Variants in NAAA observed in about 807,000 individuals in gnomAD.
The protein encoded by NAAA is N-acylethanolamine-hydrolyzing acid amidase.
A neutral mutation model predicts 44.8 loss-of-function variants in NAAA; 39 were observed. That is an observed-to-expected ratio of 0.87 (90% confidence interval 0.67 to 1.14). NAAA has a LOEUF of 1.14. NAAA is among the 50% of genes most tolerant of loss of function. NAAA has a pLI of 0.00. For synonymous variants in NAAA, 178 were observed against 191.3 expected (o/e 0.93, Z 0.58); for missense variants, 460 against 467.8 (o/e 0.98, Z 0.15).
intron 5 of NAAA, among the ~76,000 whole-genome samples, chr4:75,922,459 C>T (rs1344040492): frequency 1.3e-5 from 2 of 152,002 alleles, no homozygotes; most frequent in Admixed American, 1.3e-4. Flanking sequence ...GAGGATCCTG[C>T]CCTGTACCTG....
At chr4:75,928,966 T>G (rs1157876311) in intron 4 of NAAA, among the ~76,000 whole-genome samples, 1 of 150,758 alleles carries the variant, frequency 6.6e-6, no homozygotes, top group Admixed American at 6.6e-5. Flanking sequence ...TTTGTGTTTT[T>G]TTTTTTTAGT....
At chr4:75,927,955 CAT>C (rs996776596) in intron 4 of NAAA, among the ~76,000 whole-genome samples, 2 of 152,216 alleles carry the variant, frequency 1.3e-5, no homozygotes, top group African/African-American at 4.8e-5. Context: ...TAACACATCA[CAT>C]GTGCTCCCAA....
intron 9 of NAAA, among the ~76,000 whole-genome samples, chr4:75,916,146 T>A (rs1324055197): frequency 1.3e-5 from 2 of 152,248 alleles, no homozygotes; most frequent in Non-Finnish European, 2.9e-5. Context: ...GATGGAGATG[T>A]ATTGCAGGTG....
intron 5 of NAAA, among the ~76,000 whole-genome samples, chr4:75,924,357 G>A (rs1388728143): frequency 2.6e-5 from 4 of 152,234 alleles, no homozygotes; most frequent in Non-Finnish European, 5.9e-5. Flanking sequence ...ATGCGTAACA[G>A]TCTGATAATT....
At chr4:75,921,408 G>A (rs547137150) in intron 5 of NAAA, among the ~76,000 whole-genome samples, 16 of 152,258 alleles carry the variant, frequency 1.1e-4, no homozygotes, top group Admixed American at 4.6e-4. Context: ...CAGGCAGATC[G>A]CCCTCACAAA....
rs559518994 is a variant in NAAA at position 75,930,166 on chromosome 4, C to T, written c.589+1048G>A. Among the ~76,000 whole-genome samples the T allele has an allele frequency of 9.2e-5, 14 of 152,264 alleles. 1 individual carries two copies. The South Asian group carries it at 1.2e-3, about 14-fold the overall frequency. On this transcript the variant is annotated intron_variant, in intron 4 of 10. Coordinates refer to ENST00000286733, the MANE Select transcript of NAAA (RefSeq NM_014435.4). ...ATGAAGTCAATCAGGGTTCATCAGA[C>T]GAGCAACACTAAACTTCAAGATACT...
rs1725510258 is a variant in NAAA, at chr4:75,914,944, T to C, written c.1040A>G (p.Asp347Gly). ...GTTTCTGATCCTAGTCATGTACTTGTCTGGGCTACCGGCGCTCATTACCGT... is the reference window on the plus strand; with the variant it reads ...GTTTCTGATCCTAGTCATGTACTTGCCTGGGCTACCGGCGCTCATTACCGT... ...YTTVMSAGSPDKYMTRIRNPS... is the reference protein window; with the variant it reads ...YTTVMSAGSPGKYMTRIRNPS... The change falls in exon 10 of 11, where the codon GAC becomes GGC. Residue 347 changes from aspartate to glycine, a missense_variant. Coordinates refer to ENST00000286733, the MANE Select transcript of NAAA (RefSeq NM_014435.4). 6.2e-7 allele frequency: 1 copy of C among 1,614,122 alleles called. No individual in the cohort carries two copies. Among genetic ancestry groups the C allele is most frequent in the Non-Finnish European group, 8.5e-7 (1 of 1,179,972 alleles).
At chr4:75,920,828 AT>A in intron 6 of NAAA, 28 bp from the exon 7 acceptor site, 4 of 1,614,170 alleles carry the variant, frequency 2.5e-6, no homozygotes, top group Non-Finnish European at 3.4e-6. Context: ...ATCTTGTCTT[AT>A]CCAAGGCAAT....
chr4:75,919,155 C>T (rs2149248093), intron 8 of NAAA, among the ~76,000 whole-genome samples: 1 of 152,208 alleles, frequency 6.6e-6, no homozygotes, highest in South Asian at 2.1e-4. Context: ...GATTCTCCTG[C>T]CTCGGCATCC....
intron 2 of NAAA, 68 bp from the exon 3 acceptor site, chr4:75,936,303 T>C (rs1192204406): frequency 1.3e-6 from 2 of 1,546,068 alleles, no homozygotes; most frequent in Admixed American, 2.1e-5. Context: ...AAGGAGTTTT[T>C]CATTTGTAAA....
intron 9 of NAAA, among the ~76,000 whole-genome samples, chr4:75,918,545 T>C (rs1485742931): frequency 3.3e-5 from 5 of 152,094 alleles, no homozygotes. Flanking sequence ...CTGATTTATA[T>C]TTGTTTATCA....
chr4:75,938,667 A>G (rs1326268376), intron 2 of NAAA, among the ~76,000 whole-genome samples: 1 of 152,188 alleles, frequency 6.6e-6, no homozygotes. Flanking sequence ...AAGAAGCTCT[A>G]AGTATGTACA....
At chr4:75,916,182 A>G (rs77010919) in intron 9 of NAAA, among the ~76,000 whole-genome samples, 13,177 of 152,272 alleles carry the variant, frequency 0.087, 994 homozygotes, top group African/African-American at 0.2. Context: ...CATGGCACAA[A>G]GGGGCAGCAT....
intron 2 of NAAA, among the ~76,000 whole-genome samples, chr4:75,939,284 A>T (rs1309539591): frequency 2.0e-5 from 3 of 152,218 alleles, no homozygotes; most frequent in African/African-American, 7.2e-5. Flanking sequence ...GGATAAATGC[A>T]GGGCGACAAA....
At chr4:75,917,072 C>T (rs1010664993) in intron 9 of NAAA, 2 of 952,402 alleles carry the variant, frequency 2.1e-6, no homozygotes, top group African/African-American at 1.8e-5. Context: ...AGCCACTGCG[C>T]CCAGCCAGAT....
In NAAA at chr4:75,914,079, C is replaced by A; in HGVS notation, c.*296G>T. On this transcript the variant is annotated 3_prime_UTR_variant, in exon 11 of 11. Transcript: ENST00000286733. Reference sequence around the variant, plus strand: ...AAGGCCTGAGGATATGGCTTGATCTCTGAGACCAATTATCTTTGAGTTATT... The same window carrying A: ...AAGGCCTGAGGATATGGCTTGATCTATGAGACCAATTATCTTTGAGTTATT... 2 of 985,434 alleles carry A rather than the reference C, an allele frequency of 2.0e-6. No homozygotes were observed. Among genetic ancestry groups the A allele is most frequent in the South Asian group, 9.4e-5 (2 of 21,282 alleles). The allele number at this position is 985,434 out of a possible 1,614,324, so 61.0% of individuals were successfully genotyped here.
At chr4:75,922,539 C>A (rs1474735119) in intron 5 of NAAA, among the ~76,000 whole-genome samples, 1 of 152,220 alleles carries the variant, frequency 6.6e-6, no homozygotes, top group Non-Finnish European at 1.5e-5. Context: ...GGTTTCCCCA[C>A]TCCATCTATT....
At chr4:75,934,450 G>A (rs1212819506) in intron 3 of NAAA, among the ~76,000 whole-genome samples, 2 of 151,034 alleles carry the variant, frequency 1.3e-5, no homozygotes, top group African/African-American at 2.4e-5. Context: ...CAAGTAGCTG[G>A]GATTACAGAC....
At chr4:75,931,005 A>G (rs1041798460) in intron 4 of NAAA, among the ~76,000 whole-genome samples, 1 of 151,994 alleles carries the variant, frequency 6.6e-6, no homozygotes, top group Non-Finnish European at 1.5e-5. Flanking sequence ...ACTCTCTATC[A>G]CAGCTTCCTA....
Sources: allele counts gnomAD v4.1 joint callset (sites outside exome capture counted in the v4.1 genomes callset), GRCh38; gene constraint gnomAD v4.1.1; transcripts MANE v1.5; gene names NCBI Gene and HGNC (gene_info 2026-07-23, HGNC 2026-07-21).